TMEM184B: variants seen among roughly 807,000 people sequenced by gnomAD.
The protein encoded by TMEM184B is transmembrane protein 184B, also known as putative MAPK-activating protein FM08.
A neutral mutation model predicts 41.8 loss-of-function variants in TMEM184B; 17 were observed. That is an observed-to-expected ratio of 0.41 (90% CI 0.28 to 0.61). The LOEUF (loss-of-function observed/expected upper bound fraction) is 0.61. TMEM184B is among the 20% of genes least tolerant of loss of function. The pLI is 0.34. For missense variants in TMEM184B, 393 were observed against 557.8 expected, an observed-to-expected ratio of 0.70 and a Z score of 2.98; for synonymous variants, 240 against 229.5, an observed-to-expected ratio of 1.05 and a Z score of -0.41.
intron 3 of TMEM184B, among the ~76,000 whole-genome samples, chr22:38,238,227 C>CTTTT (rs1029386970): frequency 7.3e-6 from 1 of 137,524 alleles, no homozygotes; most frequent in Non-Finnish European, 1.6e-5. Context: ...CTATCAACTT[C>CTTTT]TTTTTTTTTT....
chr22:38,225,677 T>C lies in TMEM184B; in HGVS notation c.618-84A>G. On this transcript the variant is annotated intron_variant, in intron 6 of 8. Transcript: ENST00000361906. This position sits in a 1 kb window ranked among gnomAD's most constrained non-coding sequence, Gnocchi z 4.4. Reference sequence around the variant, plus strand: ...TCGACTGCACCACACACAGTCCCCATGGCTCTCAGCCCCACACCTCCAGCA... The same window carrying C: ...TCGACTGCACCACACACAGTCCCCACGGCTCTCAGCCCCACACCTCCAGCA... The C allele has an allele frequency of 7.0e-7, 1 of 1,420,852 alleles. No homozygotes were observed. Among genetic ancestry groups the C allele is most frequent in the Non-Finnish European group, 9.3e-7 (1 of 1,074,874 alleles). 88.0% of individuals were successfully genotyped at this position (1,420,852 alleles called of 1,614,324 possible). A position where few individuals can be genotyped will look rare whatever the true frequency, so the allele number is the denominator to read the frequency against.
At chr22:38,242,813 C>T (rs1048831611) in intron 3 of TMEM184B, among the ~76,000 whole-genome samples, 2 of 152,144 alleles carry the variant, frequency 1.3e-5, no homozygotes, top group Non-Finnish European at 2.9e-5. Context: ...TCTGTAATCC[C>T]ACCACTTTGG....
chr22:38,265,551 T>C (rs1313748697), intron 1 of TMEM184B, among the ~76,000 whole-genome samples: 2 of 152,028 alleles, frequency 1.3e-5, no homozygotes, highest in Non-Finnish European at 2.9e-5. Flanking sequence ...TGAGCCTCAG[T>C]CTCTCCATCT....
rs773571767 is a variant in TMEM184B at position 38,247,748 on chromosome 22, G to T, written c.192+22C>A. The T allele has an allele frequency of 2.5e-6, 4 of 1,601,948 alleles. No individual in the cohort carries two copies. In the East Asian group the frequency reaches 6.7e-5, roughly 27 times the overall value. ...GGAACCTTTCTGGACCTTTCTAGAGGCCCCTTGCCAGGCTTGGGTACCTGG... is the reference window on the plus strand; with the variant it reads ...GGAACCTTTCTGGACCTTTCTAGAGTCCCCTTGCCAGGCTTGGGTACCTGG... On this transcript the variant is annotated intron_variant, in intron 2 of 8. Coordinates refer to ENST00000361906, the MANE Select transcript of TMEM184B (RefSeq NM_012264.5).
In TMEM184B at chr22:38,225,461, G is replaced by A; in HGVS notation, c.750C>T (p.Phe250=). Residue 250 remains phenylalanine, a synonymous_variant, in exon 7 of 9, where the codon TTC becomes TTT. Coordinates refer to ENST00000361906, the MANE Select transcript of TMEM184B (RefSeq NM_012264.5). This position sits in a 1 kb window ranked among gnomAD's most constrained non-coding sequence, Gnocchi z 4.4. ...AAAGAAAGATGACGGACTTGACCATGAAGAACTTGAGGACGGGGCTGTAGG... is the reference window on the plus strand; with the variant it reads ...AAAGAAAGATGACGGACTTGACCATAAAGAACTTGAGGACGGGGCTGTAGG... ...LSPYSPVLKF[F]MVKSVIFLSF... The A allele has an allele frequency of 6.3e-7, 1 of 1,578,230 alleles. No individual in the cohort carries two copies. Among genetic ancestry groups the A allele is most frequent in the South Asian group, 1.2e-5 (1 of 86,306 alleles).
chr22:38,219,937 G>A lies in TMEM184B; in HGVS notation c.*1532C>T, dbSNP rs1307669659. The A allele has an allele frequency of 8.0e-5, 79 of 985,262 alleles. No individual in the cohort carries two copies. Among genetic ancestry groups the A allele is most frequent in the Non-Finnish European group, 8.9e-5 (74 of 829,916 alleles). 61.0% of individuals were successfully genotyped at this position (985,262 alleles called of 1,614,324 possible). ...AAGGAAGGAGGCCAGGAAGACGGCT[G>A]GGCCCCAACTCTCCTCACAGGTGGC... On this transcript the variant is annotated 3_prime_UTR_variant, in exon 9 of 9. Transcript: ENST00000361906.
At chr22:38,245,912 C>CCA in intron 3 of TMEM184B, 23 bp downstream of exon 3, 1 of 1,422,698 alleles carries the variant, frequency 7.0e-7, no homozygotes, top group Non-Finnish European at 9.7e-7. Flanking sequence ...CGCCAGCCCT[C>CCA]CCCACTCCGT....
At chr22:38,231,118 G>A in intron 4 of TMEM184B, 126 bp downstream of exon 4, 2 of 836,918 alleles carry the variant, frequency 2.4e-6, no homozygotes, top group Non-Finnish European at 4.1e-6. Flanking sequence ...AGGAAATGTG[G>A]TGAGGCACAG....
chr22:38,224,720 G>A (rs2091375987), intron 8 of TMEM184B, 65 bp downstream of exon 8: 1 of 1,459,818 alleles, frequency 6.9e-7, no homozygotes, highest in Non-Finnish European at 9.1e-7. Flanking sequence ...GAGGTGGGAG[G>A]GTCCTGGGAT....
At chr22:38,223,942 G>T (rs2091342126) in intron 8 of TMEM184B, 3 of 152,400 alleles carry the variant, frequency 2.0e-5, no homozygotes, top group Non-Finnish European at 4.4e-5. Flanking sequence ...ATTACAGCGG[G>T]ATCTCCGAGG....
intron 1 of TMEM184B, among the ~76,000 whole-genome samples, chr22:38,261,774 A>G (rs1183247371): frequency 6.6e-6 from 1 of 152,110 alleles, no homozygotes; most frequent in Non-Finnish European, 1.5e-5. Context: ...CACCCCAACA[A>G]TGCTACCACC....
intron 5 of TMEM184B, among the ~76,000 whole-genome samples, chr22:38,229,609 A>G (rs5995552): frequency 0.014 from 1,721 of 119,008 alleles, 8 homozygotes; most frequent in Middle Eastern, 0.054. Flanking sequence ...AAGCTAGAGC[A>G]GCTGGATTGC....
chr22:38,249,334 A>T (rs776748113), intron 1 of TMEM184B, among the ~76,000 whole-genome samples: 29 of 152,048 alleles, frequency 1.9e-4, no homozygotes, highest in Non-Finnish European at 3.4e-4. Flanking sequence ...TTTTTTGTAG[A>T]GATGGGGGTC....
At chr22:38,230,529 C>T (rs2091582164) in intron 5 of TMEM184B, 140 bp downstream of exon 5, 1 of 783,130 alleles carries the variant, frequency 1.3e-6, no homozygotes. Flanking sequence ...TGCCTAACAG[C>T]TTCGGGGGGT....
At chr22:38,236,932 G>A (rs755367372) in intron 3 of TMEM184B, among the ~76,000 whole-genome samples, 1 of 152,070 alleles carries the variant, frequency 6.6e-6, no homozygotes, top group Non-Finnish European at 1.5e-5. Context: ...CTTCTCCCTC[G>A]TGACTTTCCT....
intron 1 of TMEM184B, among the ~76,000 whole-genome samples, chr22:38,271,110 G>C (rs900286997): frequency 4.6e-5 from 7 of 152,182 alleles, no homozygotes; most frequent in African/African-American, 1.4e-4. Flanking sequence ...CTGCACAAAT[G>C]CTTTGGGGGA....
chr22:38,260,152 C>T (rs1410042122), intron 1 of TMEM184B, among the ~76,000 whole-genome samples: 7 of 152,148 alleles, frequency 4.6e-5, no homozygotes, highest in African/African-American at 1.7e-4. Context: ...TTGTGTTCCG[C>T]CCACCTTGTC....
At chr22:38,218,183 G>T (rs1176400562), downstream of TMEM184B, among the ~76,000 whole-genome samples, 1 of 152,176 alleles carries the variant, frequency 6.6e-6, no homozygotes, top group Non-Finnish European at 1.5e-5. Context: ...CCACCTGCAG[G>T]CCTAAACCAT....
At chr22:38,266,632 A>G (rs528869919) in intron 1 of TMEM184B, among the ~76,000 whole-genome samples, 87 of 152,390 alleles carry the variant, frequency 5.7e-4, no homozygotes, top group Non-Finnish European at 9.4e-4. Context: ...TGCTATGGGT[A>G]AATGTTTATA....
Sources: gnomAD v4.1 joint callset for allele counts (sites outside exome capture counted in the v4.1 genomes callset) on GRCh38, gnomAD v4.1.1 for gene constraint, Gnocchi (gnomAD v3.1) non-coding constraint, MANE v1.5 for transcripts, NCBI Gene and HGNC (gene_info 2026-07-23, HGNC 2026-07-21) for gene names.